Variants in ACYP2 observed in about 807,000 individuals in gnomAD.
ACYP2 encodes the protein acylphosphatase 2, also known as acylphosphatase-2.
A neutral mutation model predicts 11.2 loss-of-function variants in ACYP2; 12 were observed. The ratio of observed to expected loss-of-function variants is 1.08; its 90% CI spans 0.69 to 1.74. The LOEUF is 1.74. ACYP2 is among the 40% of genes most tolerant of loss of function. The pLI is 0.00. For missense variants in ACYP2, 134 were observed against 101.9 expected (o/e 1.31, Z -1.35); for synonymous variants, 43 against 32.2 (o/e 1.33, Z -1.13).
chr2:54,074,795 G>T (rs1016174672), intron 4 of ACYP2, among the ~76,000 whole-genome samples: 1 of 152,120 alleles, frequency 6.6e-6, no homozygotes, highest in African/African-American at 2.4e-5. Context: ...TTGCACTTGC[G>T]GTCTAAAGGC....
At chr2:54,249,940 CAAAAA>C (rs1015312135) in intron 6 of ACYP2, among the ~76,000 whole-genome samples, 21 of 44,466 alleles carry the variant, frequency 4.7e-4, no homozygotes, top group African/African-American at 1.1e-3. Context: ...GACCCTGTCT[CAAAAA>C]AAAAAAAAAA....
chr2:54,201,611 TC>T (rs1183878299), intron 6 of ACYP2, among the ~76,000 whole-genome samples: 2 of 82,128 alleles, frequency 2.4e-5, no homozygotes, highest in South Asian at 6.8e-4. Context: ...TTTCTTTCTT[TC>T]TTTCTTTCTT....
At chr2:54,168,362 G>T (rs1683091378) in intron 6 of ACYP2, among the ~76,000 whole-genome samples, 1 of 152,140 alleles carries the variant, frequency 6.6e-6, no homozygotes. Context: ...GGAAGCAGAG[G>T]TTGCAGTGAG....
At chr2:54,148,748 A>G (rs951518606) in intron 6 of ACYP2, among the ~76,000 whole-genome samples, 2 of 152,234 alleles carry the variant, frequency 1.3e-5, no homozygotes, top group African/African-American at 2.4e-5. Flanking sequence ...AACCAACATT[A>G]TAAGTTGTGA....
chr2:54,285,736 G>T (rs999744937), intron 6 of ACYP2, among the ~76,000 whole-genome samples: 1 of 152,178 alleles, frequency 6.6e-6, no homozygotes, highest in Non-Finnish European at 1.5e-5. Flanking sequence ...GAAGTATTGT[G>T]TGGCAGCTGC....
rs949187387 is a variant in ACYP2 at position 54,179,743 on chromosome 2, C to T, written c.404+40995C>T. Reference sequence around the variant, plus strand: ...GTTTTGGCTGGCTTCTTGACTGCAGCCTGTTTTATCAGCAAGGTCTTTATG... The same window carrying T: ...GTTTTGGCTGGCTTCTTGACTGCAGTCTGTTTTATCAGCAAGGTCTTTATG... On this transcript the variant is annotated intron_variant, in intron 6 of 6. Transcript: ENST00000607452. Among the ~76,000 whole-genome samples, 6 of 152,114 alleles carry T rather than the reference C, an allele frequency of 3.9e-5. No individual in the cohort carries two copies. In the East Asian group the frequency reaches 1.2e-3, roughly 29 times the overall value.
intron 2 of ACYP2, among the ~76,000 whole-genome samples, chr2:53,987,895 G>C (rs1226085191): frequency 6.6e-6 from 1 of 151,816 alleles, no homozygotes; most frequent in Non-Finnish European, 1.5e-5. Context: ...GTTGAGTTTT[G>C]GGAGTTCTTT....
At position 54,207,958 on chromosome 2, in the gene ACYP2, C is replaced by T. The variant is rs1043013124; in HGVS notation, c.404+69210C>T. Among the ~76,000 whole-genome samples the T allele has an allele frequency of 5.9e-5, 9 of 152,272 alleles. No homozygotes were observed. In the South Asian group the frequency reaches 1.7e-3, roughly 28 times the overall value. ...AGAGAAGGTCAAACAACTTCTCATC[C>T]TGTGCAATTTCTGCAATCCTAAGCC... On this transcript the variant is annotated intron_variant, in intron 6 of 6. Transcript: ENST00000607452.
intron 4 of ACYP2, among the ~76,000 whole-genome samples, chr2:54,090,068 C>A (rs1294071962): frequency 1.3e-5 from 2 of 151,546 alleles, no homozygotes; most frequent in East Asian, 3.9e-4. Flanking sequence ...TCTCTTAAAC[C>A]CAGGAGATGC....
chr2:54,039,308 G>A lies in ACYP2; in HGVS notation c.63-11650G>A, dbSNP rs190988124. 1.6e-4 allele frequency among the ~76,000 whole-genome samples: 24 copies of A among 149,438 alleles called. 1 individual carries two copies. In the East Asian group the frequency reaches 3.5e-3, roughly 22 times the overall value. On this transcript the variant is annotated intron_variant, in intron 2 of 6. Transcript: ENST00000607452. ...TTTTCTTTTTCCTTTTTTTTGGCGG[G>A]GGGGGACAGGGTCCCACTCTGTGGC...
intron 4 of ACYP2, among the ~76,000 whole-genome samples, chr2:54,089,925 C>T (rs996467261): frequency 1.3e-5 from 2 of 151,778 alleles, no homozygotes; most frequent in African/African-American, 2.4e-5. Flanking sequence ...GCAGGCAGAT[C>T]GCTTGAGGTC....
At chr2:54,125,136 G>C (rs776229661) in intron 4 of ACYP2, among the ~76,000 whole-genome samples, 3 of 151,808 alleles carry the variant, frequency 2.0e-5, no homozygotes, top group Admixed American at 6.6e-5. Flanking sequence ...ACTCAAAACA[G>C]TATAGAAAAG....
chr2:54,038,051 C>T (rs1675006692), intron 2 of ACYP2, among the ~76,000 whole-genome samples: 1 of 152,188 alleles, frequency 6.6e-6, no homozygotes, highest in African/African-American at 2.4e-5. Flanking sequence ...TTACCAACAC[C>T]TTCCCTTATA....
chr2:54,251,184 T>C (rs114403687), intron 6 of ACYP2, among the ~76,000 whole-genome samples: 2,214 of 152,338 alleles, frequency 0.015, 44 homozygotes, highest in African/African-American at 0.051. Context: ...TGATGGCCCA[T>C]GCCTAGATAA....
intron 6 of ACYP2, among the ~76,000 whole-genome samples, chr2:54,292,944 A>C (rs1024379636): frequency 3.8e-4 from 58 of 152,330 alleles, no homozygotes; most frequent in African/African-American, 1.3e-3. Context: ...TCCCTGTATT[A>C]AATTCCATCC....
intron 4 of ACYP2, among the ~76,000 whole-genome samples, chr2:54,071,399 A>C (rs1677035973): frequency 6.6e-6 from 1 of 152,158 alleles, no homozygotes; most frequent in Non-Finnish European, 1.5e-5. Flanking sequence ...AGGAATCTAC[A>C]AAAACTCTTA....
chr2:54,201,451 T>A (rs1684758588), intron 6 of ACYP2, among the ~76,000 whole-genome samples: 3 of 152,022 alleles, frequency 2.0e-5, no homozygotes, highest in Admixed American at 2.0e-4. Context: ...CTTTATATAT[T>A]TTGAATACTA....
At chr2:54,103,223 A>G (rs10189970) in intron 4 of ACYP2, among the ~76,000 whole-genome samples, 4,834 of 152,336 alleles carry the variant, frequency 0.032, 248 homozygotes, top group African/African-American at 0.11. Context: ...GAAGTTTTCT[A>G]TCAAAAGTTG....
intron 4 of ACYP2, among the ~76,000 whole-genome samples, chr2:54,125,262 G>A (rs1263632872): frequency 2.0e-5 from 3 of 150,182 alleles, no homozygotes; most frequent in Non-Finnish European, 2.9e-5. Flanking sequence ...TGGTTTTTAT[G>A]TCTTTTGTTA....
Sources: allele counts gnomAD v4.1 joint callset (sites outside exome capture counted in the v4.1 genomes callset), GRCh38; gene constraint gnomAD v4.1.1; transcripts MANE v1.5; gene names NCBI Gene and HGNC (gene_info 2026-07-23, HGNC 2026-07-21).